Variants in VMP1 observed in about 807,000 individuals in gnomAD.
VMP1 encodes vacuole membrane protein 1.
VMP1 carries 11 observed loss-of-function variants against 56.0 expected under a neutral mutation model. The observed-to-expected ratio is 0.20, with a 90% CI of 0.12 to 0.32. VMP1 has a LOEUF of 0.32. Among genes scored for constraint, VMP1 ranks in the 10% least tolerant of loss-of-function variants. The pLI is 1.00. For missense variants in VMP1, 296 were observed against 490.3 expected, an observed-to-expected ratio of 0.60 and a Z score of 3.74; for synonymous variants, 149 against 165.0, an observed-to-expected ratio of 0.90 and a Z score of 0.74.
At chr17:59,838,511 C>T in intron 11 of VMP1, 114 bp downstream of exon 11, 2 of 1,072,110 alleles carry the variant, frequency 1.9e-6, no homozygotes, top group South Asian at 1.4e-5. Flanking sequence ...GCCAGTGTTC[C>T]TTGACAGAAG....
chr17:59,769,374 T>A (rs887152495), intron 6 of VMP1, among the ~76,000 whole-genome samples: 21 of 151,950 alleles, frequency 1.4e-4, no homozygotes, highest in African/African-American at 3.4e-4. Flanking sequence ...TAGATTTTTT[T>A]AATTCCTGCT....
intron 7 of VMP1, among the ~76,000 whole-genome samples, chr17:59,807,993 T>C (rs1049662000): frequency 6.6e-6 from 1 of 152,226 alleles, no homozygotes. Flanking sequence ...AATTTGGATT[T>C]GAATATATGC....
intron 10 of VMP1, among the ~76,000 whole-genome samples, chr17:59,830,936 T>C (rs1002775810): frequency 4.6e-5 from 7 of 152,118 alleles, no homozygotes; most frequent in African/African-American, 1.7e-4. Flanking sequence ...CAAGCAGTCC[T>C]CCCCACTCAG....
Position 59,838,273 on chromosome 17 carries a change from GGCTACTGTACCCT to G in VMP1, c.975-18_975-6del. 1 of 1,596,938 alleles carries G rather than the reference GGCTACTGTACCCT, an allele frequency of 6.3e-7. No individual in the cohort carries two copies. On this transcript the variant is annotated splice_polypyrimidine_tract_variant and intron_variant, in intron 10 of 11. Coordinates refer to ENST00000262291, the MANE Select transcript of VMP1 (RefSeq NM_030938.5). The stretch of plus-strand genomic sequence containing the variant: ...CTTCCCAAATGTGTCTTTTTCTTTG[GGCTACTGTACCCT>G]GCTTCCAGTGCTGTCCCCGGCATAG...
At chr17:59,737,324 A>G in intron 3 of VMP1, 129 bp from the exon 4 acceptor site, 1 of 748,134 alleles carries the variant, frequency 1.3e-6, no homozygotes, top group Non-Finnish European at 2.1e-6. Context: ...AGAGGCCATG[A>G]TGTGTAAGGA....
At chr17:59,839,503 C>G in intron 11 of VMP1, 1 of 390,934 alleles carries the variant, frequency 2.6e-6, no homozygotes. Flanking sequence ...ATTCTTAGGT[C>G]CTAGTAGAAG....
chr17:59,707,813 T>G (rs2033736130), intron 1 of VMP1, 65 bp downstream of exon 1: 1 of 152,272 alleles, frequency 6.6e-6, no homozygotes, highest in Admixed American at 6.5e-5. Flanking sequence ...CTTGGCGTCT[T>G]CCGGAGCTCT....
intron 5 of VMP1, among the ~76,000 whole-genome samples, chr17:59,744,086 G>GT (rs1378816312): frequency 2.6e-3 from 353 of 138,264 alleles, no homozygotes; most frequent in African/African-American, 9.1e-3. Flanking sequence ...ATTTGCTGAG[G>GT]TTTTTGTTTT....
intron 5 of VMP1, among the ~76,000 whole-genome samples, chr17:59,746,199 C>T (rs940231986): frequency 1.3e-5 from 2 of 152,152 alleles, no homozygotes; most frequent in African/African-American, 4.8e-5. Context: ...GAGATAGCAT[C>T]TCTCTCTGAC....
intron 10 of VMP1, among the ~76,000 whole-genome samples, chr17:59,835,249 C>T (rs1476510004): frequency 6.6e-6 from 1 of 151,626 alleles, no homozygotes; most frequent in Non-Finnish European, 1.5e-5. Flanking sequence ...CGGCCTCAGC[C>T]TCCCGAGTAG....
At chr17:59,816,941 G>T (rs1312527308) in intron 9 of VMP1, among the ~76,000 whole-genome samples, 1 of 113,538 alleles carries the variant, frequency 8.8e-6, no homozygotes, top group Non-Finnish European at 1.7e-5. Context: ...AGGAGACTCC[G>T]TCTCAAAAAA....
At chr17:59,805,970 G>A (rs1290024800) in intron 7 of VMP1, among the ~76,000 whole-genome samples, 1 of 151,974 alleles carries the variant, frequency 6.6e-6, no homozygotes, top group Non-Finnish European at 1.5e-5. Flanking sequence ...AATTTTAAGG[G>A]CTGTAAAGGA....
intron 7 of VMP1, among the ~76,000 whole-genome samples, chr17:59,807,851 A>G (rs1408360110): frequency 2.0e-5 from 3 of 149,632 alleles, no homozygotes; most frequent in Admixed American, 2.0e-4. Context: ...AAAAAAAAAA[A>G]GAAAGTTGGA....
At chr17:59,764,694 C>T (rs28650831) in intron 5 of VMP1, among the ~76,000 whole-genome samples, 2,194 of 151,990 alleles carry the variant, frequency 0.014, 46 homozygotes, top group African/African-American at 0.049. Context: ...TGAATATGTT[C>T]GTCAAAGCTA....
chr17:59,823,474 G>A (rs2038524591), intron 10 of VMP1, among the ~76,000 whole-genome samples: 1 of 151,354 alleles, frequency 6.6e-6, no homozygotes. Flanking sequence ...ATCGGGCCGG[G>A]GGCAGTGGCT....
chr17:59,836,109 C>G (rs1477047422), intron 10 of VMP1, among the ~76,000 whole-genome samples: 1 of 151,342 alleles, frequency 6.6e-6, no homozygotes, highest in Non-Finnish European at 1.5e-5. Context: ...ATGTCTGTCA[C>G]AGGTCTTCTA....
chr17:59,803,064 A>C (rs543563552), intron 7 of VMP1, among the ~76,000 whole-genome samples: 1 of 152,100 alleles, frequency 6.6e-6, no homozygotes, highest in Non-Finnish European at 1.5e-5. Flanking sequence ...TTTTAAAGAG[A>C]TCTTTTCATA....
At chr17:59,812,647 G>A (rs1446120794) in intron 9 of VMP1, among the ~76,000 whole-genome samples, 4 of 152,216 alleles carry the variant, frequency 2.6e-5, no homozygotes, top group Non-Finnish European at 4.4e-5. Context: ...AGAAAGGAAA[G>A]AACAACCAAG....
intron 6 of VMP1, among the ~76,000 whole-genome samples, chr17:59,773,199 A>G (rs1255208207): frequency 6.6e-6 from 1 of 151,472 alleles, no homozygotes; most frequent in Admixed American, 6.6e-5. Flanking sequence ...TGACCTCGGG[A>G]TCCGCCCGCC....
Sources: gnomAD v4.1 joint callset for allele counts (sites outside exome capture counted in the v4.1 genomes callset) on GRCh38, gnomAD v4.1.1 for gene constraint, MANE v1.5 for transcripts, NCBI Gene and HGNC (gene_info 2026-07-23, HGNC 2026-07-21) for gene names.